The following ATRNL1 variants were observed in gnomAD, a reference collection of about 807,000 sequenced individuals.
ATRNL1 encodes the protein attractin-like protein 1.
ATRNL1 carries 95 observed loss-of-function variants against 182.7 expected under a neutral mutation model. That is an observed-to-expected ratio of 0.52 (90% CI 0.44 to 0.62). ATRNL1 has a LOEUF of 0.62. ATRNL1 is among the 20% of genes least tolerant of loss of function. The pLI is 0.00. For missense variants in ATRNL1, 1,471 were observed against 1,679.5 expected (o/e 0.88, Z 2.17); for synonymous variants, 576 against 568.3 (o/e 1.01, Z -0.19).
At chr10:115,922,028 T>C (rs1198675396) in intron 28 of ATRNL1, among the ~76,000 whole-genome samples, 2 of 152,178 alleles carry the variant, frequency 1.3e-5, no homozygotes, top group Non-Finnish European at 1.5e-5. Context: ...AGCTCAGCCA[T>C]TGAGACTGCT....
intron 26 of ATRNL1, among the ~76,000 whole-genome samples, chr10:115,622,645 G>A (rs1042839029): frequency 6.9e-5 from 10 of 144,096 alleles, no homozygotes; most frequent in African/African-American, 2.5e-4. Context: ...TAGAATTTAG[G>A]GCGGGGCGCG....
chr10:115,579,938 G>A (rs1854967881), intron 26 of ATRNL1, among the ~76,000 whole-genome samples: 1 of 151,930 alleles, frequency 6.6e-6, no homozygotes, highest in South Asian at 2.1e-4. Flanking sequence ...AGTTATAACA[G>A]TCTCTGCTTA....
At chr10:115,293,561 T>G (rs1400900928) in intron 15 of ATRNL1, among the ~76,000 whole-genome samples, 1 of 152,190 alleles carries the variant, frequency 6.6e-6, no homozygotes, top group African/African-American at 2.4e-5. Flanking sequence ...CCAGTGAGTT[T>G]TATAATTTTG....
At chr10:115,720,800 C>A (rs4411216) in intron 26 of ATRNL1, among the ~76,000 whole-genome samples, 55,873 of 152,088 alleles carry the variant, frequency 0.37, 11,029 homozygotes, top group Admixed American at 0.54. Flanking sequence ...CCTTGAAGAT[C>A]ATTTTCAAAT....
In ATRNL1 at chr10:115,302,044, G is replaced by T; in HGVS notation, c.2818+1G>T. 1.2e-6 allele frequency: 2 copies of T among 1,609,870 alleles called. No individual in the cohort carries two copies. Among genetic ancestry groups the T allele is most frequent in the Non-Finnish European group, 8.5e-7 (1 of 1,177,644 alleles). ...GAGTGGCAAACTGCCACCTGCTCCC[G>T]TAAGTATTTATCTAGAGTGACTTTT... On this transcript the variant is annotated splice_donor_variant, in intron 17 of 28. Coordinates refer to ENST00000355044, the MANE Select transcript of ATRNL1 (RefSeq NM_207303.4). LOFTEE classifies it high-confidence loss of function.
chr10:115,883,956 C>T lies in ATRNL1; in HGVS notation c.4018+35965C>T, dbSNP rs1300508471. 2.0e-5 allele frequency among the ~76,000 whole-genome samples: 3 copies of T among 152,310 alleles called. No individual in the cohort carries two copies. The East Asian group carries it at 5.8e-4, about 29-fold the overall frequency. On this transcript the variant is annotated intron_variant, in intron 28 of 28. Coordinates refer to ENST00000355044, the MANE Select transcript of ATRNL1 (RefSeq NM_207303.4). ...TTTGAGTAGCTTGGTGTCCACTCTG[C>T]TCATGGGACAGAACCTAATGATTGA...
intron 26 of ATRNL1, among the ~76,000 whole-genome samples, chr10:115,656,322 G>A (rs1555035882): frequency 6.6e-6 from 1 of 152,144 alleles, no homozygotes. Context: ...CTTCCTGGAT[G>A]AAGCCAGTAT....
intron 28 of ATRNL1, among the ~76,000 whole-genome samples, chr10:115,940,554 A>G (rs1953695977): frequency 6.6e-6 from 1 of 152,100 alleles, no homozygotes; most frequent in Non-Finnish European, 1.5e-5. Flanking sequence ...CATTTAGGGG[A>G]CGGGGGAGGT....
chr10:115,166,320 G>C (rs1181275760), intron 7 of ATRNL1, among the ~76,000 whole-genome samples: 1 of 152,036 alleles, frequency 6.6e-6, no homozygotes, highest in Non-Finnish European at 1.5e-5. Flanking sequence ...TGGACACTTA[G>C]ATAGCTTCCA....
chr10:115,501,964 A>G (rs1849863505), intron 24 of ATRNL1, among the ~76,000 whole-genome samples: 1 of 152,108 alleles, frequency 6.6e-6, no homozygotes. Flanking sequence ...GCTGATTATA[A>G]AACCCCCTTC....
At position 115,522,424 on chromosome 10, in the gene ATRNL1, C is replaced by T. The variant is rs113142698; in HGVS notation, c.3716+3100C>T. ...CTCTTGGGAACTAATAGAGTGAGAA[C>T]TCATTTGCTACCATAAGGACACCAC... On this transcript the variant is annotated intron_variant, in intron 25 of 28. Coordinates refer to ENST00000355044, the MANE Select transcript of ATRNL1 (RefSeq NM_207303.4). 3.2e-3 allele frequency among the ~76,000 whole-genome samples: 484 copies of T among 152,232 alleles called. 2 individuals are homozygous for T. Among genetic ancestry groups the T allele is most frequent in the African/African-American group, 0.011 (467 of 41,528 alleles).
intron 28 of ATRNL1, among the ~76,000 whole-genome samples, chr10:115,878,134 A>G (rs1258946526): frequency 1.3e-5 from 2 of 152,198 alleles, no homozygotes; most frequent in Non-Finnish European, 2.9e-5. Context: ...TGCTTTACAT[A>G]TGGTTCTGAT....
chr10:115,391,310 G>A (rs1236861089), intron 19 of ATRNL1, among the ~76,000 whole-genome samples: 1 of 152,120 alleles, frequency 6.6e-6, no homozygotes, highest in Admixed American at 6.6e-5. Context: ...ATAGGTTGAT[G>A]CAGAAGTAAT....
intron 19 of ATRNL1, among the ~76,000 whole-genome samples, chr10:115,350,278 G>A (rs1467662243): frequency 1.5e-5 from 2 of 129,540 alleles, no homozygotes; most frequent in Non-Finnish European, 3.1e-5. Context: ...GGAGGTTGCA[G>A]TGAGCCAAGA....
rs117535073 is a variant in ATRNL1, at chr10:115,328,940, T to G, written c.3038-5342T>G. On this transcript the variant is annotated intron_variant, in intron 18 of 28. Coordinates refer to ENST00000355044, the MANE Select transcript of ATRNL1 (RefSeq NM_207303.4). ...ATATATTAATACATTGAAGTGCTGA[T>G]GTCTCTTCAACATACTGATTTTATT... Among the ~76,000 whole-genome samples the G allele has an allele frequency of 6.6e-3, 1,000 of 152,274 alleles. 5 individuals are homozygous for G. The highest frequency in any genetic ancestry group is 0.011 in the Non-Finnish European group (771 of 67,962).
intron 26 of ATRNL1, among the ~76,000 whole-genome samples, chr10:115,703,419 TTAAAC>T (rs1195419862): frequency 6.6e-6 from 1 of 151,956 alleles, no homozygotes; most frequent in Non-Finnish European, 1.5e-5. Context: ...TCAGATCTAA[TTAAAC>T]TAAAGAGCTT....
chr10:115,578,053 A>G (rs572392135), intron 26 of ATRNL1, among the ~76,000 whole-genome samples: 2 of 151,960 alleles, frequency 1.3e-5, no homozygotes, highest in African/African-American at 4.8e-5. Context: ...GTTGTGTCAC[A>G]TATATTGATT....
intron 6 of ATRNL1, among the ~76,000 whole-genome samples, chr10:115,164,073 A>G (rs1304925159): frequency 1.3e-5 from 2 of 152,204 alleles, no homozygotes; most frequent in African/African-American, 4.8e-5. Flanking sequence ...TTCTTAAAAC[A>G]GGCTCCTGTT....
At chr10:115,625,570 A>C (rs116572875) in intron 26 of ATRNL1, among the ~76,000 whole-genome samples, 2 of 152,186 alleles carry the variant, frequency 1.3e-5, no homozygotes, top group East Asian at 3.9e-4. Flanking sequence ...TGAATATTCT[A>C]TCTGGAAAGT....
Sources: gnomAD v4.1 joint callset for allele counts (sites outside exome capture counted in the v4.1 genomes callset) on GRCh38, gnomAD v4.1.1 for gene constraint, MANE v1.5 for transcripts, NCBI Gene and HGNC (gene_info 2026-07-23, HGNC 2026-07-21) for gene names.